Variants in MAP2K5 observed in about 807,000 individuals in gnomAD.
MAP2K5 encodes the protein dual specificity mitogen-activated protein kinase kinase 5.
A neutral mutation model predicts 83.1 loss-of-function variants in MAP2K5; 49 were observed. That is an observed-to-expected ratio of 0.59 (90% confidence interval 0.47 to 0.75). The LOEUF (loss-of-function observed/expected upper bound fraction) is 0.75, where lower values mean the gene tolerates loss of function less well. Ranked by LOEUF, MAP2K5 falls within the 30% of genes least tolerant of loss-of-function variation. MAP2K5 has a pLI of 0.00. For missense variants in MAP2K5, 457 were observed against 557.5 expected (o/e 0.82, Z 1.82); for synonymous variants, 202 against 191.8 (o/e 1.05, Z -0.44).
At chr15:67,697,505 C>T (rs2088296514) in intron 15 of MAP2K5, among the ~76,000 whole-genome samples, 1 of 152,152 alleles carries the variant, frequency 6.6e-6, no homozygotes, top group African/African-American at 2.4e-5. Context: ...TCATTATACC[C>T]ATATTATTTA....
intron 3 of MAP2K5, among the ~76,000 whole-genome samples, chr15:67,567,605 C>G: frequency 6.6e-6 from 1 of 151,820 alleles, no homozygotes; most frequent in East Asian, 1.9e-4. Flanking sequence ...ACCTCATGAT[C>G]CACCCGCCTC....
intron 21 of MAP2K5, among the ~76,000 whole-genome samples, chr15:67,800,386 A>T (rs1676413002): frequency 6.6e-6 from 1 of 152,132 alleles, no homozygotes. Context: ...GACTTAAAGG[A>T]CAAAAAATTC....
chr15:67,714,699 C>A (rs533955810), intron 16 of MAP2K5, among the ~76,000 whole-genome samples: 1 of 152,232 alleles, frequency 6.6e-6, no homozygotes, highest in South Asian at 2.1e-4. Context: ...AATCTTACTA[C>A]ATGTTGAATA....
At chr15:67,685,353 A>G (rs2087927645) in intron 13 of MAP2K5, among the ~76,000 whole-genome samples, 1 of 152,190 alleles carries the variant, frequency 6.6e-6, no homozygotes, top group Non-Finnish European at 1.5e-5. Context: ...CCCAGCAAAT[A>G]CATTTTCCAA....
chr15:67,547,478 CAG>C (rs1257714113), intron 1 of MAP2K5, among the ~76,000 whole-genome samples: 2 of 126,848 alleles, frequency 1.6e-5, no homozygotes, highest in Admixed American at 1.8e-4. Context: ...TTTTTTGAGA[CAG>C]AGTCTCGCTT....
intron 21 of MAP2K5, among the ~76,000 whole-genome samples, chr15:67,806,418 G>C (rs946680337): frequency 3.3e-5 from 5 of 152,204 alleles, no homozygotes; most frequent in African/African-American, 1.2e-4. Context: ...CAGAGTCTGA[G>C]ATGTGCCAGC....
At chr15:67,726,378 G>C (rs1461134151) in intron 16 of MAP2K5, among the ~76,000 whole-genome samples, 1 of 152,098 alleles carries the variant, frequency 6.6e-6, no homozygotes, top group Non-Finnish European at 1.5e-5. Context: ...TGTGGCTTTG[G>C]GTTTTGGTAA....
intron 13 of MAP2K5, among the ~76,000 whole-genome samples, chr15:67,684,167 T>G (rs183712305): frequency 7.6e-4 from 115 of 152,232 alleles, no homozygotes; most frequent in African/African-American, 2.6e-3. Context: ...ATTTATAGAG[T>G]GAAATCCTAC....
chr15:67,645,081 G>A (rs899429322), intron 9 of MAP2K5, among the ~76,000 whole-genome samples: 1 of 152,164 alleles, frequency 6.6e-6, no homozygotes, highest in Non-Finnish European at 1.5e-5. Flanking sequence ...CCATGAGACA[G>A]AGGTTGCTTG....
At chr15:67,628,107 A>G in intron 8 of MAP2K5, 1 of 779,164 alleles carries the variant, frequency 1.3e-6, no homozygotes, top group Non-Finnish European at 2.2e-6. Context: ...TGTGGGAACA[A>G]AGAGAGCTGT....
intron 8 of MAP2K5, 80 bp downstream of exon 8, chr15:67,600,829 T>A: frequency 2.0e-6 from 2 of 1,001,286 alleles, no homozygotes; most frequent in Non-Finnish European, 1.5e-6. Flanking sequence ...CAAAGATTTT[T>A]AAATGACCAC....
rs372957139 is a variant in MAP2K5, at chr15:67,790,913, T to A, written c.1243-15733T>A. ...CACACACACTGTCCTGTGAGGTTGA[T>A]GCTGTTCTCCATATTTTACAGAAGA... On this transcript the variant is annotated intron_variant, in intron 21 of 21. Coordinates refer to ENST00000178640, the MANE Select transcript of MAP2K5 (RefSeq NM_145160.3). The surrounding 1 kb of genome is among the most constrained non-coding windows in gnomAD (Gnocchi z 4.6). Among the ~76,000 whole-genome samples the A allele has an allele frequency of 8.2e-4, 125 of 152,306 alleles. 2 individuals are homozygous for A. Among genetic ancestry groups the A allele is most frequent in the Middle Eastern group, 6.8e-3 (2 of 294 alleles).
chr15:67,595,768 A>G (rs924114874), intron 7 of MAP2K5, among the ~76,000 whole-genome samples: 10 of 152,114 alleles, frequency 6.6e-5, no homozygotes, highest in Admixed American at 1.3e-4. Context: ...GGCAAGTTTT[A>G]TTGAGAGCTA....
At chr15:67,692,424 C>G in intron 13 of MAP2K5, 55 bp from the exon 14 acceptor site, 1 of 1,283,998 alleles carries the variant, frequency 7.8e-7, no homozygotes, top group East Asian at 2.3e-5. Context: ...TTTTAAAGAA[C>G]AAACGCTGTA....
intron 2 of MAP2K5, among the ~76,000 whole-genome samples, chr15:67,551,453 C>T (rs2084508865): frequency 6.6e-6 from 1 of 152,106 alleles, no homozygotes. Flanking sequence ...CCACCTCAGC[C>T]TCCCAAGTAA....
At chr15:67,596,049 T>C (rs1365441448) in intron 7 of MAP2K5, among the ~76,000 whole-genome samples, 2 of 152,042 alleles carry the variant, frequency 1.3e-5, no homozygotes, top group Non-Finnish European at 2.9e-5. Context: ...AAATCAAGTA[T>C]AAATCTACTC....
rs886960867 is a variant in MAP2K5 at position 67,779,834 on chromosome 15, G to A, written c.1242+7082G>A. 7.9e-5 allele frequency among the ~76,000 whole-genome samples: 12 copies of A among 152,166 alleles called. No individual in the cohort carries two copies. The highest frequency in any genetic ancestry group is 2.9e-4 in the African/African-American group (12 of 41,428). ...TTGGATGCAGTAAAGTGGATCAGTT[G>A]GGCTGCTCTTCAGTGCCGTGCCAGA... On this transcript the variant is annotated intron_variant, in intron 21 of 21. Coordinates refer to ENST00000178640, the MANE Select transcript of MAP2K5 (RefSeq NM_145160.3). This position sits in a 1 kb window ranked among gnomAD's most constrained non-coding sequence, Gnocchi z 4.6.
intron 8 of MAP2K5, chr15:67,628,335 C>T: frequency 1.9e-6 from 1 of 513,302 alleles, no homozygotes; most frequent in African/African-American, 1.9e-5. Flanking sequence ...CAAAAATTAG[C>T]TGGTCGTGGT....
intron 15 of MAP2K5, among the ~76,000 whole-genome samples, chr15:67,696,852 G>A (rs918488714): frequency 6.6e-6 from 1 of 152,156 alleles, no homozygotes; most frequent in Non-Finnish European, 1.5e-5. Context: ...GGTGGTGCAT[G>A]CCTGTAATCC....
Sources: gnomAD v4.1 joint callset for allele counts (sites outside exome capture counted in the v4.1 genomes callset) on GRCh38, gnomAD v4.1.1 for gene constraint, Gnocchi (gnomAD v3.1) non-coding constraint, MANE v1.5 for transcripts, NCBI Gene and HGNC (gene_info 2026-07-23, HGNC 2026-07-21) for gene names.